MTCL1: variants seen among roughly 807,000 people sequenced by gnomAD.
MTCL1 encodes the protein microtubule cross-linking factor 1.
MTCL1 carries 79 observed loss-of-function variants against 141.4 expected under a neutral mutation model. That is an observed-to-expected ratio of 0.56 (90% CI 0.47 to 0.67). The LOEUF is 0.67. Ranked by LOEUF, MTCL1 falls within the 30% of genes least tolerant of loss-of-function variation. The probability of loss-of-function intolerance (pLI) is 0.00; values close to 1 mark genes in which losing one functional copy is unlikely to be tolerated. For synonymous variants in MTCL1, 914 were observed against 875.8 expected (o/e 1.04, Z -0.77); for missense variants, 2,177 against 2,113.9 (o/e 1.03, Z -0.59).
At chr18:8,731,950 C>T (rs370660149) in intron 4 of MTCL1, among the ~76,000 whole-genome samples, 18 of 152,246 alleles carry the variant, frequency 1.2e-4, no homozygotes, top group African/African-American at 3.9e-4. Flanking sequence ...CTCAAGTGAT[C>T]CACCTGTCTC....
intron 1 of MTCL1, among the ~76,000 whole-genome samples, chr18:8,710,875 C>CTTTTTTTTTTTTTT (rs1221391279): frequency 4.8e-5 from 2 of 41,796 alleles, no homozygotes; most frequent in African/African-American, 8.5e-5. Flanking sequence ...TTTCTTTTTT[C>CTTTTTTTTTTTTTT]TTTTTTTTTT....
upstream of MTCL1, chr18:8,705,659 C>T (rs974218162): frequency 1.2e-4 from 147 of 1,205,688 alleles, no homozygotes; most frequent in Non-Finnish European, 1.4e-4. This position sits in a 1 kb window ranked among gnomAD's most constrained non-coding sequence, Gnocchi z 5.2. Flanking sequence ...GCGGACCCGG[C>T]CATGGAGACA....
chr18:8,798,087 C>G lies in MTCL1; in HGVS notation c.2242-10C>G. On this transcript the variant is annotated splice_polypyrimidine_tract_variant and intron_variant, in intron 9 of 16. Transcript: ENST00000359865. ...CTGAAGCTGTGATCGTCACCTCCTG[C>G]CTGTTTCAGGGTGAACATCCAGAGA... 6.4e-7 allele frequency: 1 copy of G among 1,569,396 alleles called. No homozygotes were observed. The highest frequency in any genetic ancestry group is 8.6e-7 in the Non-Finnish European group (1 of 1,164,072).
In MTCL1 at chr18:8,829,006, C is replaced by T. The variant is rs551947208; in HGVS notation, c.*18+42C>T. 1.1e-5 allele frequency: 17 copies of T among 1,613,738 alleles called. 1 individual carries two copies. The highest frequency in any genetic ancestry group is 4.4e-5 in the South Asian group (4 of 91,016). On this transcript the variant is annotated intron_variant, in intron 16 of 16. Transcript: ENST00000359865. The stretch of plus-strand genomic sequence containing the variant: ...TTGTTTCCCAACTGTCTGGAGAGGT[C>T]GTGTTGTGTAACTCGCAGTTGGCAC...
intron 4 of MTCL1, among the ~76,000 whole-genome samples, chr18:8,731,588 A>G (rs1259912291): frequency 2.0e-5 from 3 of 152,242 alleles, no homozygotes; most frequent in Non-Finnish European, 4.4e-5. Context: ...AAAAAAAATA[A>G]TAATTAAAAT....
At position 8,831,107 on chromosome 18, in the gene MTCL1, C is replaced by T. The variant is rs184795753; in HGVS notation, c.*19-500C>T. On this transcript the variant is annotated intron_variant, in intron 16 of 16. Coordinates refer to ENST00000359865, the Ensembl canonical transcript of MTCL1. ...ATTTCAAATAAACAGTAGCAGAGTTCGTTTAAGACGACTGCCATTGCTAAC... is the reference window on the plus strand; with the variant it reads ...ATTTCAAATAAACAGTAGCAGAGTTTGTTTAAGACGACTGCCATTGCTAAC... 113 of 986,846 alleles carry T rather than the reference C, an allele frequency of 1.1e-4. 1 individual carries two copies. The East Asian group carries it at 5.1e-3, about 45-fold the overall frequency. The allele number at this position is 986,846 out of a possible 1,614,324, so 61.1% of individuals were successfully genotyped here. A position where few individuals can be genotyped will look rare whatever the true frequency, so the allele number is the denominator to read the frequency against.
intron 4 of MTCL1, among the ~76,000 whole-genome samples, chr18:8,732,443 A>T (rs2096255378): frequency 6.6e-6 from 1 of 152,078 alleles, no homozygotes; most frequent in South Asian, 2.1e-4. Context: ...CAAGTGCAGA[A>T]TCAAGAGTCA....
At chr18:8,823,993 G>T (rs1381464470) in intron 14 of MTCL1, among the ~76,000 whole-genome samples, 3 of 152,152 alleles carry the variant, frequency 2.0e-5, no homozygotes, top group African/African-American at 7.2e-5. Flanking sequence ...TAAGAATCTG[G>T]ACAGTGAGTC....
Position 8,812,807 on chromosome 18 carries a change from G to A in MTCL1, c.2605-172G>A, listed in dbSNP as rs1229371445. ...TCACCGCTTAACATTCTTTGTGACTGTGTCAAACGCTCTTAATTAGGACTT... is the reference window on the plus strand; with the variant it reads ...TCACCGCTTAACATTCTTTGTGACTATGTCAAACGCTCTTAATTAGGACTT... On this transcript the variant is annotated intron_variant, in intron 11 of 16. Coordinates refer to ENST00000359865, the Ensembl canonical transcript of MTCL1. 6.6e-6 allele frequency: 5 copies of A among 756,614 alleles called. No individual in the cohort carries two copies. In the East Asian group the frequency reaches 1.1e-4, roughly 17 times the overall value. 46.9% of individuals were successfully genotyped at this position (756,614 alleles called of 1,614,324 possible). A position where few individuals can be genotyped will look rare whatever the true frequency, so the allele number is the denominator to read the frequency against.
rs759175188 is a variant in MTCL1 at position 8,819,020 on chromosome 18, G to A, written c.2917G>A (p.Gly973Ser). Residue 973 changes from glycine to serine, a missense_variant, in exon 13 of 17, where the codon GGC becomes AGC. By Grantham distance (56) the Gly-to-Ser change is moderately conservative (BLOSUM62 0). Coordinates refer to ENST00000359865, the Ensembl canonical transcript of MTCL1. ...CAGTTTCCTCTGTGATCAAAAAGAC[G>A]GCAACGTTCGCCCCTTTCCCCACCA... The A allele has an allele frequency of 1.5e-5, 24 of 1,614,222 alleles. No individual in the cohort carries two copies. Among genetic ancestry groups the A allele is most frequent in the Non-Finnish European group, 1.8e-5 (21 of 1,180,026 alleles).
At chr18:8,706,211 C>T in exon 1 of MTCL1, 1 of 1,227,344 alleles carries the variant, frequency 8.1e-7, no homozygotes, top group Non-Finnish European at 1.0e-6. Context: ...GCCCGGATCC[C>T]TGCCGTGACC....
intron 9 of MTCL1, among the ~76,000 whole-genome samples, chr18:8,796,754 C>G (rs1361729812): frequency 6.6e-6 from 1 of 152,150 alleles, no homozygotes; most frequent in East Asian, 1.9e-4. Flanking sequence ...CATAAACTTA[C>G]TGAGAATAGT....
At chr18:8,718,394 T>A in intron 2 of MTCL1, 30 bp from the exon 2 acceptor site, 1 of 1,603,388 alleles carries the variant, frequency 6.2e-7, no homozygotes, top group East Asian at 2.2e-5. Context: ...TGTACTTGGC[T>A]CATAAATCTT....
exon 1 of MTCL1, chr18:8,706,500 C>T: frequency 7.7e-7 from 1 of 1,300,622 alleles, no homozygotes; most frequent in Non-Finnish European, 9.7e-7. Flanking sequence ...GCGCCTGTCC[C>T]GGGGGCCGGA....
chr18:8,816,523 G>T (rs2076660867), intron 12 of MTCL1, among the ~76,000 whole-genome samples: 1 of 152,186 alleles, frequency 6.6e-6, no homozygotes, highest in African/African-American at 2.4e-5. Flanking sequence ...GGTGGGGGTA[G>T]GAGACTTTTA....
chr18:8,735,888 G>T (rs2096272478), intron 4 of MTCL1, among the ~76,000 whole-genome samples: 1 of 152,148 alleles, frequency 6.6e-6, no homozygotes, highest in Non-Finnish European at 1.5e-5. Context: ...GACTGTAGGG[G>T]ACAGAACAAA....
intron 4 of MTCL1, among the ~76,000 whole-genome samples, chr18:8,765,633 C>T (rs1050876793): frequency 6.6e-4 from 100 of 152,342 alleles, no homozygotes; most frequent in African/African-American, 2.3e-3. Context: ...GCTGCAGCTA[C>T]TCGGGCAAGC....
intron 4 of MTCL1, among the ~76,000 whole-genome samples, chr18:8,765,660 C>T (rs1396668724): frequency 6.6e-6 from 1 of 152,222 alleles, no homozygotes; most frequent in African/African-American, 2.4e-5. Flanking sequence ...TCCCATGCTT[C>T]CTCCAAGGAA....
intron 4 of MTCL1, among the ~76,000 whole-genome samples, chr18:8,768,948 C>T (rs895293457): frequency 1.3e-5 from 2 of 152,086 alleles, no homozygotes; most frequent in South Asian, 2.1e-4. Flanking sequence ...TGCATCAGCA[C>T]GTGGGCCCAG....
Sources: gnomAD v4.1 joint callset for allele counts (sites outside exome capture counted in the v4.1 genomes callset) on GRCh38, gnomAD v4.1.1 for gene constraint, Gnocchi (gnomAD v3.1) non-coding constraint, MANE v1.5 for transcripts, NCBI Gene and HGNC (gene_info 2026-07-23, HGNC 2026-07-21) for gene names.